The following ZW10 variants were observed in gnomAD, a reference collection of about 807,000 sequenced individuals.
The protein encoded by ZW10 is zw10 kinetochore protein, also known as centromere/kinetochore protein zw10 homolog.
Under a neutral mutation model 87.8 loss-of-function variants are expected in ZW10, and 53 were observed. The observed-to-expected ratio is 0.60, with a 90% CI of 0.48 to 0.76. The LOEUF (loss-of-function observed/expected upper bound fraction) is 0.76. Among genes scored for constraint, ZW10 ranks in the 30% least tolerant of loss-of-function variants. The probability of loss-of-function intolerance (pLI) is 0.00; values close to 1 mark genes in which losing one functional copy is unlikely to be tolerated. For synonymous variants in ZW10, 312 were observed against 329.2 expected (o/e 0.95, Z 0.57); for missense variants, 837 against 923.0 (o/e 0.91, Z 1.21).
intron 14 of ZW10, among the ~76,000 whole-genome samples, 173 bp from the exon 15 acceptor site, chr11:113,736,995 A>G (rs1953561058): frequency 6.6e-6 from 1 of 152,262 alleles, no homozygotes; most frequent in South Asian, 2.1e-4. Flanking sequence ...ATACTTCTAT[A>G]TAAGAATGAC....
chr11:113,734,532 T>C (rs1337504551), intron 15 of ZW10, among the ~76,000 whole-genome samples: 1 of 151,650 alleles, frequency 6.6e-6, no homozygotes, highest in Non-Finnish European at 1.5e-5. Context: ...AGGCCAGGAG[T>C]GGTGGCTCAC....
At chr11:113,749,398 G>T (rs1227683718) in intron 7 of ZW10, among the ~76,000 whole-genome samples, 1 of 152,148 alleles carries the variant, frequency 6.6e-6, no homozygotes, top group Non-Finnish European at 1.5e-5. Flanking sequence ...AAAAATAGAA[G>T]CAGGGGTGTG....
intron 1 of ZW10, among the ~76,000 whole-genome samples, chr11:113,773,080 T>C (rs535340097): frequency 6.6e-6 from 1 of 151,834 alleles, no homozygotes; most frequent in Non-Finnish European, 1.5e-5. Flanking sequence ...GGCTATTTTA[T>C]TCATCAACAA....
intron 8 of ZW10, 41 bp from the exon 9 acceptor site, chr11:113,747,754 ATATT>A: frequency 6.9e-6 from 10 of 1,446,002 alleles, no homozygotes; most frequent in Non-Finnish European, 9.3e-6. Flanking sequence ...TCATTTACAT[ATATT>A]CCATTACAAT....
chr11:113,754,525 C>T (rs1953763394), intron 7 of ZW10, among the ~76,000 whole-genome samples: 1 of 152,048 alleles, frequency 6.6e-6, no homozygotes, highest in Non-Finnish European at 1.5e-5. Flanking sequence ...GCTAAATCTA[C>T]TCTGCTTGTG....
At chr11:113,737,834 CA>C in intron 13 of ZW10, 131 bp from the exon 14 acceptor site, 1 of 1,023,228 alleles carries the variant, frequency 9.8e-7, no homozygotes, top group East Asian at 2.4e-5. Flanking sequence ...TAACTAAGGA[CA>C]TATGCTTCTT....
At position 113,736,781 on chromosome 11, in the gene ZW10, G is replaced by C. The variant is rs1953558149; in HGVS notation, c.2058C>G (p.Cys686Trp). 6.2e-7 allele frequency: 1 copy of C among 1,614,092 alleles called. No individual in the cohort carries two copies. Among genetic ancestry groups the C allele is most frequent in the Non-Finnish European group, 8.5e-7 (1 of 1,180,020 alleles). Reference protein sequence around the residue: ...TEDGDRLYSLCKTVMDEGPQV... With the variant: ...TEDGDRLYSLWKTVMDEGPQV... The stretch of plus-strand genomic sequence containing the variant: ...GGGGTCCTTCATCCATCACTGTTTT[G>C]CATAAGGAATATAACCTATCACCAT... The change falls in exon 15 of 16, where the codon TGC (cysteine) becomes TGG (tryptophan). Residue 686 changes from cysteine (C) to tryptophan (W), a missense_variant. Physicochemically the swap from Cys to Trp is radical, Grantham distance 215. Transcript: ENST00000200135.
chr11:113,762,862 A>G (rs1953875997), intron 2 of ZW10, among the ~76,000 whole-genome samples: 1 of 152,158 alleles, frequency 6.6e-6, no homozygotes, highest in Admixed American at 6.5e-5. Context: ...ACGCAAACAC[A>G]CTATACGCTG....
At chr11:113,762,902 T>G (rs1953876389) in intron 2 of ZW10, among the ~76,000 whole-genome samples, 2 of 152,172 alleles carry the variant, frequency 1.3e-5, no homozygotes, top group Non-Finnish European at 2.9e-5. Context: ...TGTTTTTATT[T>G]CTTCTAAAAA....
chr11:113,760,754 A>G (rs1397619542), intron 3 of ZW10, 63 bp downstream of exon 3: 3 of 1,432,118 alleles, frequency 2.1e-6, no homozygotes, highest in Non-Finnish European at 1.9e-6. Flanking sequence ...GTCAGGAGAT[A>G]GCCATTGACT....
chr11:113,739,476 C>G, intron 11 of ZW10, 94 bp from the exon 12 acceptor site: 1 of 1,116,960 alleles, frequency 9.0e-7, no homozygotes, highest in Non-Finnish European at 1.3e-6. Flanking sequence ...TATTTCTAGG[C>G]TTTAATAACT....
chr11:113,760,764 T>A, intron 3 of ZW10, 53 bp downstream of exon 3: 1 of 1,402,864 alleles, frequency 7.1e-7, no homozygotes, highest in Non-Finnish European at 9.8e-7. Context: ...AGCCATTGAC[T>A]AATGAGACCT....
intron 9 of ZW10, among the ~76,000 whole-genome samples, chr11:113,746,898 A>T (rs897423170): frequency 1.3e-5 from 2 of 152,154 alleles, no homozygotes; most frequent in African/African-American, 4.8e-5. Flanking sequence ...CTGTAAGGCT[A>T]CTGGGTCTTC....
At chr11:113,758,851 A>C in intron 5 of ZW10, 145 bp from the exon 6 acceptor site, 1 of 782,260 alleles carries the variant, frequency 1.3e-6, no homozygotes, top group Non-Finnish European at 2.0e-6. Flanking sequence ...TATGACATAC[A>C]TGTCCTTGGC....
chr11:113,739,932 A>G (rs937967508), intron 11 of ZW10, among the ~76,000 whole-genome samples: 1 of 152,226 alleles, frequency 6.6e-6, no homozygotes, highest in South Asian at 2.1e-4. Flanking sequence ...AAATCTTCCC[A>G]GGTGATTTTA....
chr11:113,772,818 C>CAAAAAAAA (rs58651654), intron 1 of ZW10, among the ~76,000 whole-genome samples: 1 of 93,566 alleles, frequency 1.1e-5, no homozygotes. Context: ...ACTAAAAATA[C>CAAAAAAAA]AAAAAAAAAA....
intron 1 of ZW10, among the ~76,000 whole-genome samples, chr11:113,773,235 C>A (rs188858905): frequency 3.9e-4 from 60 of 151,950 alleles, no homozygotes; most frequent in African/African-American, 1.3e-3. Context: ...TCTCTTCAGT[C>A]TCCCTCTTCC....
chr11:113,772,470 G>A (rs1334921487), intron 1 of ZW10, among the ~76,000 whole-genome samples: 4 of 152,086 alleles, frequency 2.6e-5, no homozygotes, highest in African/African-American at 7.2e-5. Context: ...TTGCTCCCTC[G>A]AAACCCTACT....
At chr11:113,736,900 T>G in intron 14 of ZW10, 78 bp from the exon 15 acceptor site, 1 of 1,382,176 alleles carries the variant, frequency 7.2e-7, no homozygotes, top group Non-Finnish European at 1.0e-6. Flanking sequence ...AGATCTTTGA[T>G]GCATGCTGTC....
Sources: gnomAD v4.1 joint callset for allele counts (sites outside exome capture counted in the v4.1 genomes callset) on GRCh38, gnomAD v4.1.1 for gene constraint, MANE v1.5 for transcripts, NCBI Gene and HGNC (gene_info 2026-07-23, HGNC 2026-07-21) for gene names.